The following MCPH1 variants were observed in gnomAD, a reference collection of about 807,000 sequenced individuals.
The protein encoded by MCPH1 is microcephalin.
In MCPH1, 104 loss-of-function variants were observed where a neutral mutation model predicts 84.5. The ratio of observed to expected loss-of-function variants is 1.23; its 90% CI spans 1.05 to 1.45. The LOEUF (loss-of-function observed/expected upper bound fraction) is 1.45, where lower values mean the gene tolerates loss of function less well. Ranked by LOEUF, MCPH1 falls within the 40% of genes most tolerant of loss-of-function variation. MCPH1 has a pLI of 0.00. For missense variants in MCPH1, 1,498 were observed against 1,005.7 expected (o/e 1.49, Z -6.62); for synonymous variants, 514 against 366.8 (o/e 1.40, Z -4.58).
intron 3 of MCPH1, among the ~76,000 whole-genome samples, chr8:6,416,279 TCA>T (rs1799284797): frequency 2.2e-3 from 1 of 446 alleles, no homozygotes; most frequent in Non-Finnish European, 0.029. Flanking sequence ...GCATGTTATG[TCA>T]TGTCATGTCA....
chr8:6,499,698 TGAA>T, intron 11 of MCPH1, 151 bp from the exon 12 acceptor site: 1 of 661,190 alleles, frequency 1.5e-6, no homozygotes, highest in Non-Finnish European at 2.7e-6. Context: ...TTATGCAACA[TGAA>T]GATTCTGAAG....
At chr8:6,460,583 C>A (rs1320845630) in intron 9 of MCPH1, among the ~76,000 whole-genome samples, 1 of 152,108 alleles carries the variant, frequency 6.6e-6, no homozygotes, top group Non-Finnish European at 1.5e-5. Flanking sequence ...TTTATTTGAA[C>A]ATATTATGCA....
chr8:6,639,549 G>A (rs1039827177), intron 13 of MCPH1, among the ~76,000 whole-genome samples: 1 of 151,876 alleles, frequency 6.6e-6, no homozygotes. Flanking sequence ...TGTAGTCCTA[G>A]CTACTCAGGA....
chr8:6,643,740 T>G lies in MCPH1; in HGVS notation c.*691T>G, dbSNP rs548935117. The G allele has an allele frequency of 3.9e-5, 6 of 152,574 alleles. No individual in the cohort carries two copies. Among genetic ancestry groups the G allele is most frequent in the Non-Finnish European group, 8.8e-5 (6 of 68,438 alleles). The allele number at this position is 152,574 out of a possible 1,614,324, so 9.5% of individuals were successfully genotyped here. A position where few individuals can be genotyped will look rare whatever the true frequency, so the allele number is the denominator to read the frequency against. On this transcript the variant is annotated 3_prime_UTR_variant, in exon 14 of 14. Coordinates refer to ENST00000344683, the MANE Select transcript of MCPH1 (RefSeq NM_024596.5). ...GAAAGACATTTGTCAGCTATTAAGG[T>G]GACTTTTATCTAGCGGAGATTCCTC...
At chr8:6,637,064 C>T (rs1364127577) in intron 13 of MCPH1, among the ~76,000 whole-genome samples, 1 of 152,236 alleles carries the variant, frequency 6.6e-6, no homozygotes, top group African/African-American at 2.4e-5. Flanking sequence ...TTAGACTGGG[C>T]TACTTTCTTC....
At chr8:6,508,408 C>T (rs1814225405) in intron 12 of MCPH1, 1 of 156,786 alleles carries the variant, frequency 6.4e-6, no homozygotes, top group Non-Finnish European at 1.4e-5. Flanking sequence ...CGATCACACT[C>T]CCTTCTGGAC....
At chr8:6,465,627 C>T (rs947964877) in intron 9 of MCPH1, among the ~76,000 whole-genome samples, 6 of 152,082 alleles carry the variant, frequency 3.9e-5, no homozygotes, top group Non-Finnish European at 8.8e-5. Context: ...TCTGGAACTG[C>T]GACAGCGGAG....
Position 6,413,429 on chromosome 8 carries a change from G to C in MCPH1, c.115-1336G>C, listed in dbSNP as rs557760995. 5.3e-5 allele frequency among the ~76,000 whole-genome samples: 8 copies of C among 151,098 alleles called. No individual in the cohort carries two copies. The East Asian group carries it at 7.7e-4, about 15-fold the overall frequency. ...CTTTGTGGGGGATTCTTTTGATCTA[G>C]AATGCATATCCTTTAGTTTGAGAAA... On this transcript the variant is annotated intron_variant, in intron 2 of 13. Transcript: ENST00000344683.
At chr8:6,579,867 C>G (rs1052629835) in intron 12 of MCPH1, among the ~76,000 whole-genome samples, 9 of 152,100 alleles carry the variant, frequency 5.9e-5, no homozygotes, top group African/African-American at 1.9e-4. Flanking sequence ...GGCTATGTCG[C>G]CAATGCCACA....
At chr8:6,457,587 A>G (rs2129557061) in intron 9 of MCPH1, among the ~76,000 whole-genome samples, 1 of 152,274 alleles carries the variant, frequency 6.6e-6, no homozygotes, top group Middle Eastern at 3.4e-3. Context: ...CCTGGGCGAC[A>G]GAGTGAGACT....
chr8:6,422,983 C>A (rs182233019), intron 3 of MCPH1, among the ~76,000 whole-genome samples: 2 of 150,670 alleles, frequency 1.3e-5, no homozygotes, highest in Non-Finnish European at 2.9e-5. Context: ...CCACTGTGCC[C>A]GGCCAATTTT....
intron 2 of MCPH1, among the ~76,000 whole-genome samples, chr8:6,410,001 C>T (rs1445414173): frequency 2.6e-5 from 4 of 151,122 alleles, no homozygotes; most frequent in East Asian, 1.9e-4. Flanking sequence ...GACGGAGTCT[C>T]GCTCTGTCGC....
intron 9 of MCPH1, among the ~76,000 whole-genome samples, chr8:6,470,139 T>C (rs571004603): frequency 2.0e-5 from 3 of 152,182 alleles, no homozygotes; most frequent in Non-Finnish European, 4.4e-5. Context: ...ATTTGTGAGA[T>C]GTGTCTAGAC....
intron 6 of MCPH1, among the ~76,000 whole-genome samples, chr8:6,440,650 C>T (rs1191190666): frequency 2.6e-5 from 4 of 152,190 alleles, no homozygotes; most frequent in Admixed American, 1.3e-4. Context: ...TAGCCTTTTT[C>T]AGTCGGAAGC....
intron 13 of MCPH1, among the ~76,000 whole-genome samples, chr8:6,624,125 G>C (rs1831806005): frequency 6.6e-6 from 1 of 152,166 alleles, no homozygotes; most frequent in African/African-American, 2.4e-5. Context: ...TTGCCGCTCG[G>C]CTCTCCCGCC....
At chr8:6,584,546 C>G (rs1462883712) in intron 12 of MCPH1, among the ~76,000 whole-genome samples, 2 of 152,128 alleles carry the variant, frequency 1.3e-5, no homozygotes, top group Non-Finnish European at 2.9e-5. Context: ...TACCAGAACA[C>G]AATTCATTCC....
chr8:6,463,020 T>C (rs1195184491), intron 9 of MCPH1, among the ~76,000 whole-genome samples: 1 of 152,204 alleles, frequency 6.6e-6, no homozygotes, highest in Non-Finnish European at 1.5e-5. Flanking sequence ...CAGTCCACAC[T>C]GTGTTTCTTG....
chr8:6,416,056 T>G (rs2129551813), intron 3 of MCPH1, among the ~76,000 whole-genome samples: 1 of 152,346 alleles, frequency 6.6e-6, no homozygotes, highest in East Asian at 1.9e-4. Context: ...CATTTTCATG[T>G]GAATGAAATT....
rs377585128 is a variant in MCPH1, at chr8:6,540,360, T to C, written c.2214+40431T>C. ...TATTTCTCATCAATAGCAGGCATTT[T>C]AAATATATGTAAGTTTAAGGAGACT... On this transcript the variant is annotated intron_variant, in intron 12 of 13. Transcript: ENST00000344683. Among the ~76,000 whole-genome samples, 5 of 152,358 alleles carry C rather than the reference T, an allele frequency of 3.3e-5. No homozygotes were observed. In the South Asian group the frequency reaches 1.0e-3, roughly 32 times the overall value.
Sources: gnomAD v4.1 joint callset for allele counts (sites outside exome capture counted in the v4.1 genomes callset) on GRCh38, gnomAD v4.1.1 for gene constraint, MANE v1.5 for transcripts, NCBI Gene and HGNC (gene_info 2026-07-23, HGNC 2026-07-21) for gene names.